The following C2orf66 variants were observed in gnomAD, a reference collection of about 807,000 sequenced individuals.
The protein encoded by C2orf66 is chromosome 2 open reading frame 66.
C2orf66 carries 6 observed loss-of-function variants against 7.0 expected under a neutral mutation model. The ratio of observed to expected loss-of-function variants is 0.86; its 90% CI spans 0.47 to 1.69. The LOEUF (loss-of-function observed/expected upper bound fraction) is 1.69. Ranked by LOEUF, C2orf66 falls within the 40% of genes most tolerant of loss-of-function variation. The pLI, the probability that C2orf66 is intolerant of heterozygous loss-of-function variation, is 0.01. For missense variants in C2orf66, 107 were observed against 112.0 expected (o/e 0.96, Z 0.20); for synonymous variants, 38 against 43.8 (o/e 0.87, Z 0.52).
the C2orf66 span, among the ~76,000 whole-genome samples, chr2:196,815,509 T>C: frequency 2.0e-5 from 3 of 152,322 alleles, no homozygotes; most frequent in South Asian, 4.1e-4. Context: ...TTTGTAACAG[T>C]AGCAGTTGGG....
At chr2:196,820,824 T>C in the C2orf66 span, among the ~76,000 whole-genome samples, 1 of 152,232 alleles carries the variant, frequency 6.6e-6, no homozygotes, top group Non-Finnish European at 1.5e-5. Flanking sequence ...CTAAGATCTA[T>C]ATGGCCCAAA....
chr2:196,808,017 C>G lies in C2orf66; in HGVS notation c.124-395G>C, dbSNP rs369219926. ...GTTGCCTTCTGCAATAGTTTCTTTT[C>G]AGATTTCCATTAGGAAATGAACACA... is the stretch of plus-strand genomic sequence containing the variant. On this transcript the variant is annotated intron_variant, in intron 1 of 2. Coordinates refer to ENST00000342506, the MANE Select transcript of C2orf66 (RefSeq NM_213608.3). 3.2e-3 allele frequency among the ~76,000 whole-genome samples: 484 copies of G among 152,316 alleles called. 2 individuals are homozygous for G. The highest frequency in any genetic ancestry group is 5.5e-3 in the Non-Finnish European group (371 of 68,032).
the C2orf66 span, among the ~76,000 whole-genome samples, chr2:196,824,537 T>C: frequency 2.0e-5 from 3 of 152,258 alleles, no homozygotes; most frequent in East Asian, 5.8e-4. Context: ...TTAAATGTCT[T>C]ACTGCACTAT....
chr2:196,812,937 A>T (rs1015412963), upstream of C2orf66, among the ~76,000 whole-genome samples: 3 of 152,240 alleles, frequency 2.0e-5, no homozygotes, highest in African/African-American at 7.2e-5. Flanking sequence ...GAGAGGACAC[A>T]AACAAATGGA....
the C2orf66 span, among the ~76,000 whole-genome samples, chr2:196,826,962 C>T: frequency 7.6e-3 from 1,158 of 152,032 alleles, 20 homozygotes; most frequent in African/African-American, 0.027. Context: ...ACCCGGTAGA[C>T]GGAGGTTGCA....
chr2:196,820,573 A>G, the C2orf66 span, among the ~76,000 whole-genome samples: 1 of 152,242 alleles, frequency 6.6e-6, no homozygotes, highest in Non-Finnish European at 1.5e-5. Flanking sequence ...AACCCAATGT[A>G]TAGACCATAC....
At chr2:196,818,238 G>A in the C2orf66 span, among the ~76,000 whole-genome samples, 1 of 152,040 alleles carries the variant, frequency 6.6e-6, no homozygotes, top group Admixed American at 6.6e-5. Flanking sequence ...GTGCCAACTA[G>A]GTTGGCCATG....
At chr2:196,815,807 G>T in the C2orf66 span, among the ~76,000 whole-genome samples, 26 of 152,074 alleles carry the variant, frequency 1.7e-4, no homozygotes, top group Admixed American at 1.1e-3. Flanking sequence ...AACCCTTCTT[G>T]TCTCTTTTAA....
chr2:196,831,033 A>C, the C2orf66 span, among the ~76,000 whole-genome samples: 1 of 152,202 alleles, frequency 6.6e-6, no homozygotes, highest in Non-Finnish European at 1.5e-5. Flanking sequence ...AAGGCTTACA[A>C]ATCAGGTCTT....
chr2:196,819,055 T>C, the C2orf66 span, among the ~76,000 whole-genome samples: 1 of 152,326 alleles, frequency 6.6e-6, no homozygotes, highest in South Asian at 2.1e-4. Flanking sequence ...TGAGTGCCAT[T>C]GAAATTGCTG....
chr2:196,813,051 G>T (rs1699891225), upstream of C2orf66, among the ~76,000 whole-genome samples: 1 of 152,008 alleles, frequency 6.6e-6, no homozygotes, highest in Non-Finnish European at 1.5e-5. Context: ...AGCTACCATT[G>T]ACTTTCTTCA....
At chr2:196,814,662 C>T in the C2orf66 span, among the ~76,000 whole-genome samples, 1 of 152,150 alleles carries the variant, frequency 6.6e-6, no homozygotes, top group African/African-American at 2.4e-5. Context: ...CCCTCACATT[C>T]CCAGTGCCCA....
At chr2:196,826,297 C>T in the C2orf66 span, among the ~76,000 whole-genome samples, 1 of 152,080 alleles carries the variant, frequency 6.6e-6, no homozygotes, top group Admixed American at 6.5e-5. Context: ...TTATAATTAG[C>T]AAAATACTTA....
upstream of C2orf66, among the ~76,000 whole-genome samples, chr2:196,811,612 G>A (rs954748669): frequency 5.3e-5 from 8 of 152,198 alleles, no homozygotes; most frequent in African/African-American, 1.9e-4. Context: ...AGGCATGGAG[G>A]AGTGAAGATC....
chr2:196,818,605 C>A, the C2orf66 span, among the ~76,000 whole-genome samples: 1 of 152,156 alleles, frequency 6.6e-6, no homozygotes, highest in Non-Finnish European at 1.5e-5. Flanking sequence ...GGATAAAAAT[C>A]ATGATAATCA....
the C2orf66 span, among the ~76,000 whole-genome samples, chr2:196,816,369 A>T: frequency 6.6e-6 from 1 of 152,264 alleles, no homozygotes; most frequent in African/African-American, 2.4e-5. Flanking sequence ...CAGTAGGGTG[A>T]ACCATTTGTC....
At chr2:196,829,351 A>AG in the C2orf66 span, among the ~76,000 whole-genome samples, 1 of 152,106 alleles carries the variant, frequency 6.6e-6, no homozygotes, top group African/African-American at 2.4e-5. Context: ...ATGCTTTGGG[A>AG]GCCGAGGCAG....
the C2orf66 span, among the ~76,000 whole-genome samples, chr2:196,818,150 G>T: frequency 6.6e-6 from 1 of 152,148 alleles, no homozygotes; most frequent in African/African-American, 2.4e-5. Flanking sequence ...ATGTTCCTCT[G>T]CTGCGGCTCC....
At chr2:196,813,551 T>G (rs1699895953), upstream of C2orf66, among the ~76,000 whole-genome samples, 1 of 152,096 alleles carries the variant, frequency 6.6e-6, no homozygotes, top group Non-Finnish European at 1.5e-5. Context: ...CCAAAAGCAA[T>G]GGCAACAAAA....
Sources: allele counts gnomAD v4.1 joint callset (sites outside exome capture counted in the v4.1 genomes callset), GRCh38; gene constraint gnomAD v4.1.1; transcripts MANE v1.5; gene names NCBI Gene and HGNC (gene_info 2026-07-23, HGNC 2026-07-21).